ATRNL1: variants seen among roughly 807,000 people sequenced by gnomAD.
ATRNL1 encodes the protein attractin like 1.
In ATRNL1, 95 loss-of-function variants were observed where a neutral mutation model predicts 182.7. The observed-to-expected ratio is 0.52, with a 90% CI of 0.44 to 0.62. The LOEUF (loss-of-function observed/expected upper bound fraction) is 0.62. ATRNL1 is among the 20% of genes least tolerant of loss of function. The probability of loss-of-function intolerance (pLI) is 0.00; values close to 1 mark genes in which losing one functional copy is unlikely to be tolerated. For synonymous variants in ATRNL1, 576 were observed against 568.3 expected, an observed-to-expected ratio of 1.01 and a Z score of -0.19; for missense variants, 1,471 against 1,679.5, an observed-to-expected ratio of 0.88 and a Z score of 2.17.
intron 27 of ATRNL1, among the ~76,000 whole-genome samples, chr10:115,840,543 T>C (rs1950782914): frequency 6.6e-6 from 1 of 152,126 alleles, no homozygotes; most frequent in African/African-American, 2.4e-5. Flanking sequence ...ACTTTACAGA[T>C]GAAGAACTTG....
intron 26 of ATRNL1, chr10:115,597,568 C>CTTT (rs71010036): frequency 4.0e-4 from 100 of 252,870 alleles, no homozygotes; most frequent in South Asian, 6.8e-4. Context: ...TTTATGGGAG[C>CTTT]TTTTTTTTTT....
At chr10:115,101,944 A>C (rs1843787372) in intron 1 of ATRNL1, among the ~76,000 whole-genome samples, 1 of 152,188 alleles carries the variant, frequency 6.6e-6, no homozygotes, top group African/African-American at 2.4e-5. Context: ...ATCTTGGTTA[A>C]GTATTTTTTT....
chr10:115,920,200 G>T (rs760804512), intron 28 of ATRNL1, among the ~76,000 whole-genome samples: 7 of 152,082 alleles, frequency 4.6e-5, no homozygotes, highest in Non-Finnish European at 8.8e-5. Context: ...TGTTAGACTC[G>T]TGGTTTTGTA....
At chr10:115,640,029 C>G (rs762818280) in intron 26 of ATRNL1, among the ~76,000 whole-genome samples, 37 of 152,004 alleles carry the variant, frequency 2.4e-4, no homozygotes, top group Middle Eastern at 3.4e-3. Context: ...CTCGAACATC[C>G]CGTGTTTGGT....
At chr10:115,902,353 C>A (rs1952379705) in intron 28 of ATRNL1, among the ~76,000 whole-genome samples, 1 of 152,020 alleles carries the variant, frequency 6.6e-6, no homozygotes, top group South Asian at 2.1e-4. Context: ...ATATTATCTT[C>A]TTTTAAAAAA....
intron 21 of ATRNL1, among the ~76,000 whole-genome samples, chr10:115,446,592 C>T (rs1847007128): frequency 6.6e-6 from 1 of 151,848 alleles, no homozygotes; most frequent in Non-Finnish European, 1.5e-5. Context: ...CTCTTTTTCT[C>T]TTCTTACCAT....
At chr10:115,097,013 A>G (rs1405229139) in intron 1 of ATRNL1, among the ~76,000 whole-genome samples, 1 of 152,122 alleles carries the variant, frequency 6.6e-6, no homozygotes, top group Non-Finnish European at 1.5e-5. Flanking sequence ...GCTATAATCT[A>G]TTTGAATGAC....
intron 26 of ATRNL1, among the ~76,000 whole-genome samples, chr10:115,706,075 G>T (rs7914798): frequency 0.38 from 57,198 of 151,654 alleles, 11,702 homozygotes; most frequent in East Asian, 0.65. Context: ...CTTAAAACAA[G>T]TTATTCCCTT....
intron 24 of ATRNL1, among the ~76,000 whole-genome samples, chr10:115,512,693 A>T (rs1850448700): frequency 6.6e-6 from 1 of 152,070 alleles, no homozygotes; most frequent in East Asian, 1.9e-4. Flanking sequence ...AGTGGGGAAA[A>T]GACATTTTAA....
intron 26 of ATRNL1, among the ~76,000 whole-genome samples, chr10:115,586,902 A>T (rs1461000535): frequency 6.2e-5 from 7 of 112,094 alleles, no homozygotes; most frequent in African/African-American, 1.9e-4. Flanking sequence ...CTTTTGGTCT[A>T]TGATGATGGT....
intron 5 of ATRNL1, among the ~76,000 whole-genome samples, chr10:115,145,721 G>C (rs1416454248): frequency 6.6e-6 from 1 of 152,074 alleles, no homozygotes; most frequent in East Asian, 1.9e-4. Context: ...TAAATCATAA[G>C]ACTATATCTG....
At chr10:115,697,241 A>G (rs1749985672) in intron 26 of ATRNL1, among the ~76,000 whole-genome samples, 1 of 152,100 alleles carries the variant, frequency 6.6e-6, no homozygotes, top group Non-Finnish European at 1.5e-5. Flanking sequence ...CCCACTTTTT[A>G]GTGTGTTTTT....
At chr10:115,163,895 A>G (rs1554883818) in intron 6 of ATRNL1, among the ~76,000 whole-genome samples, 1 of 152,208 alleles carries the variant, frequency 6.6e-6, no homozygotes, top group Admixed American at 6.6e-5. Context: ...CGTTTGTATC[A>G]TACACATTTA....
chr10:115,607,682 T>C (rs1856939647), intron 26 of ATRNL1, among the ~76,000 whole-genome samples: 1 of 151,900 alleles, frequency 6.6e-6, no homozygotes, highest in Non-Finnish European at 1.5e-5. Flanking sequence ...CCATTCTTAT[T>C]TGTTCATATT....
In ATRNL1 at chr10:115,129,391, A is replaced by T. The variant is rs532557025; in HGVS notation, c.685A>T (p.Ser229Cys). Residue 229 changes from serine to cysteine, a missense_variant, in exon 5 of 29, where the codon AGT (serine) becomes TGT (cysteine). Ser to Cys is a moderately radical substitution (Grantham distance 112). This residue lies in a region of ATRNL1 where 1,031 missense variants were observed against 1,156.0 expected (regional missense o/e 0.89). Transcript: ENST00000355044. Reference protein sequence around the residue: ...GKCTTSVSVPSQVYCECDKYW... With the variant: ...GKCTTSVSVPCQVYCECDKYW... Reference sequence around the variant, plus strand: ...GTGTACAACTAGTGTCTCTGTTCCAAGTCAAGTATATTGTGAATGTGATAA... The same window carrying T: ...GTGTACAACTAGTGTCTCTGTTCCATGTCAAGTATATTGTGAATGTGATAA... 1 of 1,613,910 alleles carries T rather than the reference A, an allele frequency of 6.2e-7. No homozygotes were observed. The highest frequency in any genetic ancestry group is 1.1e-5 in the South Asian group (1 of 91,076).
chr10:115,425,959 A>G (rs1845866269), intron 20 of ATRNL1, among the ~76,000 whole-genome samples: 1 of 152,062 alleles, frequency 6.6e-6, no homozygotes. Flanking sequence ...CATATCCCAA[A>G]GCTCATAATT....
At chr10:115,697,830 G>A (rs545226194) in intron 26 of ATRNL1, among the ~76,000 whole-genome samples, 21 of 152,140 alleles carry the variant, frequency 1.4e-4, no homozygotes, top group South Asian at 1.0e-3. Context: ...CCTTTTGACC[G>A]TGTCTTTGCT....
chr10:115,881,737 A>G (rs1454556325), intron 28 of ATRNL1, among the ~76,000 whole-genome samples: 2 of 152,144 alleles, frequency 1.3e-5, no homozygotes, highest in African/African-American at 4.8e-5. Flanking sequence ...GGAAAGCGAG[A>G]CTTGGAGAGT....
intron 28 of ATRNL1, among the ~76,000 whole-genome samples, chr10:115,912,178 G>A (rs868934403): frequency 1.3e-5 from 2 of 152,186 alleles, no homozygotes; most frequent in South Asian, 2.1e-4. Flanking sequence ...GAAATCCAGG[G>A]AAATTTTACA....
Sources: allele counts gnomAD v4.1 joint callset (sites outside exome capture counted in the v4.1 genomes callset), GRCh38; gene constraint gnomAD v4.1.1; regional missense constraint gnomAD v4.1.1; transcripts MANE v1.5; gene names NCBI Gene and HGNC (gene_info 2026-07-23, HGNC 2026-07-21).